The following MAGI2 variants were observed in gnomAD, a reference collection of about 807,000 sequenced individuals.
MAGI2 encodes the protein membrane associated guanylate kinase, WW and PDZ domain containing 2.
In MAGI2, 35 loss-of-function variants were observed where a neutral mutation model predicts 133.3. That is an observed-to-expected ratio of 0.26 (90% CI 0.20 to 0.35). The LOEUF is 0.35. Ranked by LOEUF, MAGI2 falls within the 10% of genes least tolerant of loss-of-function variation. MAGI2 has a pLI of 1.00. For missense variants in MAGI2, 1,636 were observed against 1,863.4 expected, an observed-to-expected ratio of 0.88 and a Z score of 2.25; for synonymous variants, 729 against 710.6, an observed-to-expected ratio of 1.03 and a Z score of -0.41.
At chr7:78,672,299 A>G (rs982026998) in intron 2 of MAGI2, among the ~76,000 whole-genome samples, 7 of 152,136 alleles carry the variant, frequency 4.6e-5, no homozygotes, top group African/African-American at 1.7e-4. Flanking sequence ...CTCTCTTGCC[A>G]TAAGACATGC....
chr7:78,500,029 C>G (rs1794479167), intron 5 of MAGI2, among the ~76,000 whole-genome samples: 3 of 152,116 alleles, frequency 2.0e-5, no homozygotes, highest in Admixed American at 1.3e-4. Context: ...GTAAGAGATT[C>G]TTATTCCTTT....
intron 1 of MAGI2, among the ~76,000 whole-genome samples, chr7:79,162,233 G>GA (rs1042088424): frequency 1.3e-5 from 2 of 151,990 alleles, no homozygotes; most frequent in African/African-American, 4.8e-5. Flanking sequence ...TGGCCTAACG[G>GA]AATGGGTTCC....
intron 10 of MAGI2, among the ~76,000 whole-genome samples, chr7:78,234,564 A>C (rs1790313537): frequency 2.3e-5 from 1 of 44,118 alleles, no homozygotes; most frequent in Non-Finnish European, 6.7e-5. Flanking sequence ...TATAATGAAT[A>C]TTTTTCATAT....
At chr7:79,256,260 T>C (rs1833670806) in intron 1 of MAGI2, among the ~76,000 whole-genome samples, 3 of 152,162 alleles carry the variant, frequency 2.0e-5, no homozygotes, top group African/African-American at 7.2e-5. Context: ...GGTTGGTATG[T>C]GAAAGTGTTA....
chr7:79,183,310 C>A (rs1411390364), intron 1 of MAGI2, among the ~76,000 whole-genome samples: 4 of 151,558 alleles, frequency 2.6e-5, no homozygotes, highest in African/African-American at 9.7e-5. Context: ...TTCTCATGGA[C>A]CCCATAAACA....
At chr7:78,099,094 T>C (rs6976139) in intron 20 of MAGI2, among the ~76,000 whole-genome samples, 72,386 of 151,998 alleles carry the variant, frequency 0.48, 18,011 homozygotes, top group African/African-American at 0.62. Flanking sequence ...ACAATACCTA[T>C]GCTTTATCTC....
chr7:78,676,099 G>C (rs1410027962), intron 2 of MAGI2, among the ~76,000 whole-genome samples: 1 of 152,110 alleles, frequency 6.6e-6, no homozygotes, highest in African/African-American at 2.4e-5. Flanking sequence ...GTAATAAGAA[G>C]TATATGCAAT....
intron 1 of MAGI2, among the ~76,000 whole-genome samples, chr7:79,282,483 T>G (rs560693603): frequency 6.6e-6 from 1 of 152,272 alleles, no homozygotes; most frequent in African/African-American, 2.4e-5. Flanking sequence ...GGAAAAAAGT[T>G]AGAGAGTTAA....
intron 10 of MAGI2, among the ~76,000 whole-genome samples, chr7:78,244,018 G>GA (rs1157589837): frequency 6.6e-6 from 1 of 151,194 alleles, no homozygotes; most frequent in Non-Finnish European, 1.5e-5. Flanking sequence ...ACCTAATTAA[G>GA]AAAAAGCACT....
intron 3 of MAGI2, among the ~76,000 whole-genome samples, chr7:78,602,641 G>T (rs578170355): frequency 3.9e-5 from 6 of 151,914 alleles, no homozygotes; most frequent in Non-Finnish European, 7.4e-5. Flanking sequence ...CAAATGAAAG[G>T]AATAGGAAAT....
At chr7:78,719,369 T>C (rs969769110) in intron 2 of MAGI2, among the ~76,000 whole-genome samples, 1 of 150,202 alleles carries the variant, frequency 6.7e-6, no homozygotes, top group Non-Finnish European at 1.5e-5. Context: ...GGAAAAAAAA[T>C]AAAGAAAAAA....
chr7:79,418,633 T>C lies in MAGI2; in HGVS notation c.301+34387A>G, dbSNP rs150628339. On this transcript the variant is annotated intron_variant, in intron 1 of 21. Coordinates refer to ENST00000354212, the MANE Select transcript of MAGI2 (RefSeq NM_012301.4). ...ATTTACCATTTGCCATGCTCTGGAA[T>C]TGGTCTTTCTACAGGGAAGAAGGCT... Among the ~76,000 whole-genome samples, 64 of 152,080 alleles carry C rather than the reference T, an allele frequency of 4.2e-4. 1 individual carries two copies. The Middle Eastern group carries it at 0.027, about 65-fold the overall frequency.
rs139313755 is a variant in MAGI2 at position 79,050,458 on chromosome 7, T to C, written c.302-43252A>G. 2.1e-3 allele frequency among the ~76,000 whole-genome samples: 315 copies of C among 152,220 alleles called. 2 individuals carry two copies. The highest frequency in any genetic ancestry group is 7.1e-3 in the African/African-American group (295 of 41,538). ...ATTGCAGTGGTGCAATTATAACTCA[T>C]CTCAGTCTCAAACTGCTGGGCTCAA... is the stretch of plus-strand genomic sequence containing the variant. On this transcript the variant is annotated intron_variant, in intron 1 of 21. Transcript: ENST00000354212.
At chr7:78,373,758 C>T (rs1419170879) in intron 6 of MAGI2, among the ~76,000 whole-genome samples, 1 of 152,096 alleles carries the variant, frequency 6.6e-6, no homozygotes, top group Admixed American at 6.6e-5. Context: ...CTTCCCTTCA[C>T]CTTCTAGTAG....
chr7:79,168,885 G>GATATATAT (rs752134999), intron 1 of MAGI2, among the ~76,000 whole-genome samples: 2 of 138,838 alleles, frequency 1.4e-5, no homozygotes, highest in African/African-American at 5.8e-5. Context: ...TCTTTCTAAA[G>GATATATAT]ATAGATATAT....
chr7:78,446,235 G>A (rs1465522954), intron 6 of MAGI2, among the ~76,000 whole-genome samples: 2 of 151,918 alleles, frequency 1.3e-5, no homozygotes, highest in East Asian at 1.9e-4. Flanking sequence ...GAAGGAGAGT[G>A]GAATAAAAAC....
chr7:79,216,817 T>C (rs921025746), intron 1 of MAGI2, among the ~76,000 whole-genome samples: 1 of 152,102 alleles, frequency 6.6e-6, no homozygotes, highest in Non-Finnish European at 1.5e-5. Context: ...AAGAACAGAA[T>C]AGAGTGGAGT....
chr7:78,902,926 G>C (rs1797714438), intron 2 of MAGI2, among the ~76,000 whole-genome samples: 1 of 152,038 alleles, frequency 6.6e-6, no homozygotes, highest in South Asian at 2.1e-4. Flanking sequence ...TCCTGGAAAA[G>C]AGCAGTTCTA....
At chr7:78,727,950 C>T (rs890652756) in intron 2 of MAGI2, among the ~76,000 whole-genome samples, 1 of 152,052 alleles carries the variant, frequency 6.6e-6, no homozygotes, top group Non-Finnish European at 1.5e-5. Context: ...AATATAATAC[C>T]AGGTTGTGAT....
Sources: allele counts gnomAD v4.1 joint callset (sites outside exome capture counted in the v4.1 genomes callset), GRCh38; gene constraint gnomAD v4.1.1; transcripts MANE v1.5; gene names NCBI Gene and HGNC (gene_info 2026-07-23, HGNC 2026-07-21).